The following STPG2 variants were observed in gnomAD, a reference collection of about 807,000 sequenced individuals.
The protein encoded by STPG2 is sperm tail PG-rich repeat containing 2.
In STPG2, 56 loss-of-function variants were observed where a neutral mutation model predicts 54.2. The observed-to-expected ratio is 1.03, with a 90% CI of 0.83 to 1.29. The LOEUF is 1.29. STPG2 is among the 50% of genes most tolerant of loss of function. The pLI is 0.00. For synonymous variants in STPG2, 200 were observed against 181.8 expected, an observed-to-expected ratio of 1.10 and a Z score of -0.81; for missense variants, 596 against 544.9, an observed-to-expected ratio of 1.09 and a Z score of -0.93.
chr4:97,486,901 G>T (rs908205509), intron 4 of STPG2, among the ~76,000 whole-genome samples: 12 of 128,150 alleles, frequency 9.4e-5, no homozygotes, highest in Admixed American at 2.3e-4. Context: ...ACACACAATG[G>T]AATACTACTC....
At chr4:97,664,511 T>G (rs1236107908) in intron 10 of STPG2, among the ~76,000 whole-genome samples, 1 of 152,140 alleles carries the variant, frequency 6.6e-6, no homozygotes, top group African/African-American at 2.4e-5. Flanking sequence ...TTTATTACAG[T>G]ATATCCAATG....
chr4:97,552,905 A>C (rs1449776298), intron 4 of STPG2, among the ~76,000 whole-genome samples: 1 of 152,176 alleles, frequency 6.6e-6, no homozygotes, highest in African/African-American at 2.4e-5. Context: ...CTGAGTCCTG[A>C]GAAAGATCAA....
intron 9 of STPG2, among the ~76,000 whole-genome samples, chr4:97,760,996 T>C (rs973698513): frequency 6.6e-6 from 1 of 152,164 alleles, no homozygotes; most frequent in African/African-American, 2.4e-5. Flanking sequence ...TCACAATGCA[T>C]CACTCTGGCT....
chr4:98,026,544 G>A lies in STPG2; in HGVS notation c.613-45226C>T, dbSNP rs893485802. ...TAGTGTATTTTCTTCCTTCTGTGGTGTGCCTGCTAGTGACATGCTGGAGGC... is the reference window on the plus strand; with the variant it reads ...TAGTGTATTTTCTTCCTTCTGTGGTATGCCTGCTAGTGACATGCTGGAGGC... On this transcript the variant is annotated intron_variant, in intron 5 of 10. Coordinates refer to ENST00000295268, the MANE Select transcript of STPG2 (RefSeq NM_174952.3). Among the ~76,000 whole-genome samples the A allele has an allele frequency of 3.3e-5, 5 of 152,218 alleles. No individual in the cohort carries two copies. In the South Asian group the frequency reaches 8.3e-4, roughly 25 times the overall value.
At chr4:97,563,514 C>A (rs538756807) in intron 10 of STPG2, among the ~76,000 whole-genome samples, 10 of 152,082 alleles carry the variant, frequency 6.6e-5, no homozygotes, top group Non-Finnish European at 1.5e-4. Flanking sequence ...TTTTCTAGTT[C>A]TTTTAATTGT....
intron 5 of STPG2, among the ~76,000 whole-genome samples, chr4:98,041,927 T>A (rs1362841633): frequency 6.6e-6 from 1 of 151,952 alleles, no homozygotes; most frequent in Non-Finnish European, 1.5e-5. Context: ...CTTCTTTGTA[T>A]GTTTGGTAGA....
intron 6 of STPG2, among the ~76,000 whole-genome samples, chr4:97,980,316 T>C (rs766625753): frequency 1.3e-5 from 2 of 152,204 alleles, no homozygotes; most frequent in African/African-American, 2.4e-5. Flanking sequence ...AGGGAATTGA[T>C]CATACAGTAG....
At chr4:98,109,343 A>G (rs755436430) in intron 3 of STPG2, 38 bp from the exon 4 acceptor site, 4 of 1,440,944 alleles carry the variant, frequency 2.8e-6, no homozygotes, top group Admixed American at 1.8e-5. Context: ...AGGATGAAAC[A>G]TAGTTTAAAT....
intron 10 of STPG2, among the ~76,000 whole-genome samples, chr4:97,599,586 G>A (rs1426864887): frequency 2.0e-5 from 3 of 152,074 alleles, no homozygotes; most frequent in Non-Finnish European, 4.4e-5. Flanking sequence ...CACTTTGGGA[G>A]GCCGAGGCGG....
chr4:98,104,566 T>C (rs11940754), intron 5 of STPG2, among the ~76,000 whole-genome samples: 2,293 of 152,200 alleles, frequency 0.015, 57 homozygotes, highest in African/African-American at 0.052. Flanking sequence ...ATACTAAATA[T>C]GCAAAAATAA....
intron 10 of STPG2, among the ~76,000 whole-genome samples, chr4:97,590,674 G>C (rs1574048): frequency 0.65 from 90,971 of 140,148 alleles, 29,515 homozygotes; most frequent in African/African-American, 0.78. Context: ...CACACACACA[G>C]AGAGAAACAT....
intron 10 of STPG2, among the ~76,000 whole-genome samples, chr4:97,705,397 C>T: frequency 6.6e-6 from 1 of 151,844 alleles, no homozygotes; most frequent in East Asian, 1.9e-4. Flanking sequence ...GCGATCTCGG[C>T]TCACTGCAAC....
intron 8 of STPG2, among the ~76,000 whole-genome samples, chr4:97,932,655 T>C (rs934574581): frequency 1.3e-5 from 2 of 152,226 alleles, no homozygotes; most frequent in African/African-American, 4.8e-5. Context: ...CTGAGGATGA[T>C]GGCTTCCAGC....
At chr4:97,590,632 C>CACACAG (rs200533592) in intron 10 of STPG2, among the ~76,000 whole-genome samples, 61 of 124,408 alleles carry the variant, frequency 4.9e-4, no homozygotes, top group African/African-American at 1.5e-3. Flanking sequence ...TACACACAGA[C>CACACAG]ACACAGACAC....
intron 8 of STPG2, among the ~76,000 whole-genome samples, chr4:97,849,750 G>T (rs11097581): frequency 0.68 from 101,676 of 149,934 alleles, 35,992 homozygotes; most frequent in African/African-American, 0.9. Context: ...AGAATGGCAA[G>T]CATTAAAAAG....
At chr4:98,070,001 T>C (rs1191083524) in intron 5 of STPG2, among the ~76,000 whole-genome samples, 1 of 151,860 alleles carries the variant, frequency 6.6e-6, no homozygotes, top group African/African-American at 2.4e-5. Context: ...ATTCCAAAAA[T>C]TGAAAAGGAG....
chr4:97,739,144 C>A (rs369887580), intron 9 of STPG2, among the ~76,000 whole-genome samples: 17 of 151,952 alleles, frequency 1.1e-4, no homozygotes, highest in South Asian at 6.2e-4. Flanking sequence ...AGGCAGAAAT[C>A]AAGATGTTCT....
intron 7 of STPG2, among the ~76,000 whole-genome samples, chr4:97,969,037 G>C (rs1159319598): frequency 1.3e-5 from 2 of 152,140 alleles, no homozygotes; most frequent in African/African-American, 2.4e-5. Flanking sequence ...AAGGGCGCCT[G>C]TTCATATGGA....
chr4:97,930,073 A>AT (rs1376503933), intron 8 of STPG2, among the ~76,000 whole-genome samples: 1 of 151,928 alleles, frequency 6.6e-6, no homozygotes, highest in Non-Finnish European at 1.5e-5. Context: ...TAATTTTTGT[A>AT]TTTTTAGTAG....
Sources: gnomAD v4.1 joint callset for allele counts (sites outside exome capture counted in the v4.1 genomes callset) on GRCh38, gnomAD v4.1.1 for gene constraint, MANE v1.5 for transcripts, NCBI Gene and HGNC (gene_info 2026-07-23, HGNC 2026-07-21) for gene names.